Variants in TPH1 observed in about 807,000 individuals in gnomAD.
TPH1 encodes tryptophan hydroxylase 1, also known as tryptophan 5-hydroxylase 1.
In TPH1, 37 loss-of-function variants were observed where a neutral mutation model predicts 49.5. That is an observed-to-expected ratio of 0.75 (90% confidence interval 0.58 to 0.98). The LOEUF (loss-of-function observed/expected upper bound fraction) is 0.98. TPH1 is among the 50% of genes least tolerant of loss of function. The pLI is 0.00. For missense variants in TPH1, 487 were observed against 523.6 expected, an observed-to-expected ratio of 0.93 and a Z score of 0.68; for synonymous variants, 160 against 182.1, an observed-to-expected ratio of 0.88 and a Z score of 0.98.
In TPH1 at chr11:18,021,014, C is replaced by T. The variant is rs770411047; in HGVS notation, c.1312G>A (p.Val438Ile). 22 of 1,614,018 alleles carry T rather than the reference C, an allele frequency of 1.4e-5. No individual in the cohort carries two copies. Among genetic ancestry groups the T allele is most frequent in the Non-Finnish European group, 1.7e-5 (20 of 1,179,964 alleles). Residue 438 changes from valine (V) to isoleucine (I), a missense_variant, in exon 11 of 11, where the codon GTC (valine) becomes ATC (isoleucine). Physicochemically the swap from Val to Ile is conservative, Grantham distance 29. Coordinates refer to ENST00000682019, the MANE Select transcript of TPH1 (RefSeq NM_004179.3). The part of the protein sequence containing the change: ...LDVVSDALAK[V>I]SRKPSI ...TGTTAGATACTCGGCTTCCTGCTGACCTTAGCAAGGGCATCACTGACAACA... is the reference window on the plus strand; with the variant it reads ...TGTTAGATACTCGGCTTCCTGCTGATCTTAGCAAGGGCATCACTGACAACA...
chr11:18,026,756 T>C, intron 6 of TPH1, 131 bp from the exon 7 acceptor site: 2 of 1,107,264 alleles, frequency 1.8e-6, no homozygotes, highest in East Asian at 2.5e-5. Context: ...ATCATATGCA[T>C]ATTAAGGGGA....
At chr11:18,024,487 T>C (rs1433721540) in intron 8 of TPH1, among the ~76,000 whole-genome samples, 1 of 152,198 alleles carries the variant, frequency 6.6e-6, no homozygotes, top group African/African-American at 2.4e-5. Context: ...TTTGAGTACA[T>C]GAGTTACATC....
At chr11:18,038,404 G>A (rs1336552376) in intron 2 of TPH1, among the ~76,000 whole-genome samples, 3 of 152,050 alleles carry the variant, frequency 2.0e-5, no homozygotes, top group African/African-American at 7.2e-5. Context: ...ACACAGTGCT[G>A]GATGGGAAAA....
chr11:18,018,665 C>CAAAAAAAAAAA lies in TPH1; in HGVS notation c.*2315_*2325dup. On this transcript the variant is annotated 3_prime_UTR_variant, in exon 11 of 11. Transcript: ENST00000682019. ...TGGGCGACAGAGCAAGACTCCGTCT[C>CAAAAAAAAAAA]AAAAAAAAAAAAAAAAAAAAAAAAA... 39 of 37,034 alleles carry CAAAAAAAAAAA rather than the reference C, an allele frequency of 1.1e-3. 5 individuals are homozygous for CAAAAAAAAAAA. In the Middle Eastern group the frequency reaches 0.1, roughly 95 times the overall value. The allele number at this position is 37,034 out of a possible 1,614,324, so 2.3% of individuals were successfully genotyped here.
rs1310595445 is a variant in TPH1 at position 18,029,699 on chromosome 11, T to C, written c.403-120A>G. The C allele has an allele frequency of 3.2e-5, 25 of 772,350 alleles. No individual in the cohort carries two copies. In the East Asian group the frequency reaches 5.2e-4, roughly 16 times the overall value. The allele number at this position is 772,350 out of a possible 1,614,324, so 47.8% of individuals were successfully genotyped here. ...TTAAAGGGCTACATAATTGATACTA[T>C]GAGCAAGCATTATTTAGAGATTTAT... On this transcript the variant is annotated intron_variant, in intron 4 of 10. Coordinates refer to ENST00000682019, the MANE Select transcript of TPH1 (RefSeq NM_004179.3).
intron 1 of TPH1, chr11:18,041,300 A>G (rs1848096739): frequency 6.5e-6 from 1 of 153,096 alleles, no homozygotes; most frequent in African/African-American, 2.4e-5. Flanking sequence ...TATGCACTAG[A>G]TGGATAACTG....
chr11:18,029,103 A>T, intron 6 of TPH1, 62 bp downstream of exon 6: 1 of 1,070,358 alleles, frequency 9.3e-7, no homozygotes, highest in Admixed American at 2.0e-5. Flanking sequence ...AAAAAAAAAA[A>T]TGCTGTCATG....
In TPH1 at chr11:18,025,465, CCAAG is replaced by C. The variant is rs1847918575; in HGVS notation, c.930+106_930+109del. ...GCACAATCTCGGCTCACTGCAACCT[CCAAG>C]CAAAGACAAATTTTCTAATGGTCAT... On this transcript the variant is annotated intron_variant, in intron 8 of 10. Coordinates refer to ENST00000682019, the MANE Select transcript of TPH1 (RefSeq NM_004179.3). 11 of 1,514,112 alleles carry C rather than the reference CCAAG, an allele frequency of 7.3e-6. No individual in the cohort carries two copies. The Admixed American group carries it at 1.9e-4, about 25-fold the overall frequency. The allele number at this position is 1,514,112 out of a possible 1,614,324, so 93.8% of individuals were successfully genotyped here.
intron 6 of TPH1, among the ~76,000 whole-genome samples, chr11:18,028,938 G>T (rs1488707190): frequency 6.6e-6 from 1 of 152,006 alleles, no homozygotes; most frequent in Non-Finnish European, 1.5e-5. Context: ...GGTGGCAGGT[G>T]CCTGTAGTCC....
intron 3 of TPH1, among the ~76,000 whole-genome samples, chr11:18,034,773 A>G (rs1480359566): frequency 1.3e-5 from 2 of 152,180 alleles, no homozygotes; most frequent in South Asian, 2.1e-4. Context: ...GTGAACTCCA[A>G]GGATTTTTTT....
At chr11:18,042,510 T>C (rs953774444) in intron 1 of TPH1, 12 of 337,744 alleles carry the variant, frequency 3.6e-5, no homozygotes, top group Non-Finnish European at 5.8e-5. Flanking sequence ...CAAATCCATC[T>C]AGGCAAGTTA....
intron 4 of TPH1, among the ~76,000 whole-genome samples, chr11:18,032,795 A>G (rs1329203094): frequency 6.6e-6 from 1 of 151,592 alleles, no homozygotes; most frequent in African/African-American, 2.4e-5. Flanking sequence ...ATCCACCCGC[A>G]TCGGCCTCCC....
Position 18,019,583 on chromosome 11 carries a change from A to G in TPH1, c.*1408T>C, listed in dbSNP as rs978337367. On this transcript the variant is annotated 3_prime_UTR_variant, in exon 11 of 11. Transcript: ENST00000682019. The stretch of plus-strand genomic sequence containing the variant: ...GAGTTCGTTGGAATTAAGGGGCAAA[A>G]AAATTCAAGAAAGATGTCAGGGTTA... 3 of 450,724 alleles carry G rather than the reference A, an allele frequency of 6.7e-6. No individual in the cohort carries two copies. Among genetic ancestry groups the G allele is most frequent in the Admixed American group, 2.4e-5 (1 of 41,392 alleles). 27.9% of individuals were successfully genotyped at this position (450,724 alleles called of 1,614,324 possible). A position where few individuals can be genotyped will look rare whatever the true frequency, so the allele number is the denominator to read the frequency against.
At chr11:18,038,691 T>G (rs920365463) in intron 2 of TPH1, among the ~76,000 whole-genome samples, 50 of 152,218 alleles carry the variant, frequency 3.3e-4, no homozygotes, top group Non-Finnish European at 6.9e-4. Context: ...AACTTTGGAA[T>G]GAAGAGAGAT....
Position 18,019,460 on chromosome 11 carries a change from T to C in TPH1, c.*1531A>G, listed in dbSNP as rs1854333921. The C allele has an allele frequency of 3.0e-6, 1 of 338,000 alleles. No individual in the cohort carries two copies. Among genetic ancestry groups the C allele is most frequent in the African/African-American group, 2.2e-5 (1 of 46,200 alleles). 20.9% of individuals were successfully genotyped at this position (338,000 alleles called of 1,614,324 possible). On this transcript the variant is annotated 3_prime_UTR_variant, in exon 11 of 11. Coordinates refer to ENST00000682019, the MANE Select transcript of TPH1 (RefSeq NM_004179.3). The stretch of plus-strand genomic sequence containing the variant: ...TTCAATTTGAGATGCTTGGCAGGGC[T>C]GTCATATTGAACAACCCCTATTCAT...
intron 6 of TPH1, 96 bp downstream of exon 6, chr11:18,029,069 G>C (rs1334180886): frequency 4.9e-6 from 4 of 819,622 alleles, no homozygotes; most frequent in Admixed American, 2.8e-5. Flanking sequence ...AACAGAAAGA[G>C]AGACTCTGTC....
Position 18,029,200 on chromosome 11 carries a change from A to G in TPH1, c.632T>C (p.Ile211Thr). ...SKYCGYREDN[I>T]PQLEDVSNFL... ...GTTGGAGACATCTTCCAATTGTGGG[A>G]TATTATCCTCCCGATATCCACAATA... The change falls in exon 6 of 11, where the codon ATC becomes ACC. Residue 211 changes from isoleucine (I) to threonine (T), a missense_variant. Physicochemically the swap from Ile to Thr is moderately conservative, Grantham distance 89. Transcript: ENST00000682019. 3.7e-6 allele frequency: 6 copies of G among 1,613,598 alleles called. No individual in the cohort carries two copies. Among genetic ancestry groups the G allele is most frequent in the Non-Finnish European group, 5.1e-6 (6 of 1,179,750 alleles).
chr11:18,031,022 T>C (rs1847984614), intron 4 of TPH1, among the ~76,000 whole-genome samples: 1 of 152,180 alleles, frequency 6.6e-6, no homozygotes, highest in Non-Finnish European at 1.5e-5. Flanking sequence ...GGTTTTTAGA[T>C]AGTCACAGAG....
chr11:18,026,431 A>G (rs1213333520), intron 7 of TPH1, 59 bp downstream of exon 7: 9 of 1,070,968 alleles, frequency 8.4e-6, no homozygotes, highest in Non-Finnish European at 1.1e-5. Flanking sequence ...CCCATAAGGT[A>G]GATGCCATTA....
Sources: allele counts gnomAD v4.1 joint callset (sites outside exome capture counted in the v4.1 genomes callset), GRCh38; gene constraint gnomAD v4.1.1; transcripts MANE v1.5; gene names NCBI Gene and HGNC (gene_info 2026-07-23, HGNC 2026-07-21).